Variants in SPAG9 observed in about 807,000 individuals in gnomAD.
The protein encoded by SPAG9 is sperm associated antigen 9, also known as C-Jun-amino-terminal kinase-interacting protein 4.
A neutral mutation model predicts 166.5 loss-of-function variants in SPAG9; 35 were observed. The observed-to-expected ratio is 0.21, with a 90% CI of 0.16 to 0.28. The LOEUF is 0.28. SPAG9 is among the 10% of genes least tolerant of loss of function. SPAG9 has a pLI of 1.00. For missense variants in SPAG9, 1,235 were observed against 1,603.3 expected (o/e 0.77, Z 3.92); for synonymous variants, 534 against 565.5 (o/e 0.94, Z 0.79).
chr17:50,993,664 A>C, intron 19 of SPAG9, 100 bp downstream of exon 19: 1 of 1,138,250 alleles, frequency 8.8e-7, no homozygotes, highest in Non-Finnish European at 1.3e-6. Flanking sequence ...CATAAGCTTC[A>C]TGACAGCAAG....
chr17:50,990,455 G>A lies in SPAG9; in HGVS notation c.2612C>T (p.Pro871Leu). The A allele has an allele frequency of 6.2e-7, 1 of 1,611,670 alleles. No individual in the cohort carries two copies. The highest frequency in any genetic ancestry group is 8.5e-7 in the Non-Finnish European group (1 of 1,177,778). Reference protein sequence around the residue: ...TNGASPVMDKPPEMEAENSEV... With the variant: ...TNGASPVMDKLPEMEAENSEV... The stretch of plus-strand genomic sequence containing the variant: ...GGTAAAGAGAATGGATATACCTGGT[G>A]GTTTATCCATCACTGGAGAAGCACC... The change falls in exon 20 of 30, where the codon CCA (proline) becomes CTA (leucine). Residue 871 changes from proline to leucine, a missense_variant. Around this residue, in one of 6 missense-constraint regions of SPAG9, gnomAD observed 493 missense variants for 559.4 expected, o/e 0.88. Coordinates refer to ENST00000262013, the MANE Select transcript of SPAG9 (RefSeq NM_001130528.3).
At chr17:51,021,429 T>C in intron 6 of SPAG9, 64 bp from the exon 7 acceptor site, 1 of 1,288,746 alleles carries the variant, frequency 7.8e-7, no homozygotes, top group African/African-American at 1.5e-5. Context: ...CCACATTAAA[T>C]GGGTTGAGAA....
Position 50,998,745 on chromosome 17 carries a change from AAC to A in SPAG9, c.1665-130_1665-129del, listed in dbSNP as rs2044791810. ...AGGCAATGAGTTAGAAATTGGCAAA[AAC>A]AGTTTTTGTAGTCATACGCTGTAGC... is the stretch of plus-strand genomic sequence containing the variant. On this transcript the variant is annotated intron_variant, in intron 14 of 29. Transcript: ENST00000262013. 19 of 858,512 alleles carry A rather than the reference AAC, an allele frequency of 2.2e-5. No individual in the cohort carries two copies. The South Asian group carries it at 3.4e-4, about 15-fold the overall frequency. The allele number at this position is 858,512 out of a possible 1,614,324, so 53.2% of individuals were successfully genotyped here.
At position 51,051,656 on chromosome 17, in the gene SPAG9, G is replaced by T. The variant is rs1210867552; in HGVS notation, c.496-4187C>A. Among the ~76,000 whole-genome samples the T allele has an allele frequency of 2.6e-5, 4 of 152,052 alleles. No individual in the cohort carries two copies. The East Asian group carries it at 7.7e-4, about 29-fold the overall frequency. On this transcript the variant is annotated intron_variant, in intron 3 of 29. Coordinates refer to ENST00000262013, the MANE Select transcript of SPAG9 (RefSeq NM_001130528.3). ...AATCACATGAACCCTGGAGGCGGAGGTTGCAGTGGGCCGAGATCACGCCAC... is the reference window on the plus strand; with the variant it reads ...AATCACATGAACCCTGGAGGCGGAGTTTGCAGTGGGCCGAGATCACGCCAC...
At chr17:51,041,354 C>T (rs990391796) in intron 5 of SPAG9, 147 bp downstream of exon 5, 1 of 602,006 alleles carries the variant, frequency 1.7e-6, no homozygotes, top group Non-Finnish European at 2.7e-6. Context: ...TTGGTAAGAG[C>T]TCATTTCCAA....
chr17:50,993,264 C>T (rs1002714250), intron 19 of SPAG9, among the ~76,000 whole-genome samples: 13 of 146,282 alleles, frequency 8.9e-5, no homozygotes, highest in Admixed American at 6.9e-4. Flanking sequence ...TGCAGTGAGC[C>T]GAGATCATGC....
At chr17:51,091,710 T>C (rs978862021) in intron 1 of SPAG9, among the ~76,000 whole-genome samples, 15 of 151,742 alleles carry the variant, frequency 9.9e-5, no homozygotes, top group African/African-American at 3.1e-4. Context: ...GCAGGTATAA[T>C]AACACATCTT....
chr17:51,073,794 T>C (rs2144606086), intron 2 of SPAG9, among the ~76,000 whole-genome samples: 1 of 152,230 alleles, frequency 6.6e-6, no homozygotes, highest in South Asian at 2.1e-4. Flanking sequence ...GGGAGTAAGT[T>C]CCAAAGCATT....
intron 2 of SPAG9, among the ~76,000 whole-genome samples, chr17:51,064,437 G>T (rs1483311742): frequency 6.6e-6 from 1 of 152,148 alleles, no homozygotes; most frequent in African/African-American, 2.4e-5. Context: ...TTAGAGTTTT[G>T]GTTGTTTCTA....
chr17:51,031,335 G>A, intron 6 of SPAG9: 1 of 295,352 alleles, frequency 3.4e-6, no homozygotes, highest in South Asian at 3.5e-5. Context: ...GCCACATTCA[G>A]GACAAATACA....
At chr17:51,091,352 C>T (rs980268338) in intron 1 of SPAG9, among the ~76,000 whole-genome samples, 3 of 151,644 alleles carry the variant, frequency 2.0e-5, no homozygotes, top group Admixed American at 2.0e-4. Context: ...GACTTAATTG[C>T]TTGCCAGTGG....
intron 2 of SPAG9, among the ~76,000 whole-genome samples, chr17:51,074,264 A>C (rs1219617994): frequency 2.0e-5 from 3 of 151,752 alleles, no homozygotes; most frequent in Non-Finnish European, 4.4e-5. Context: ...CAAAACAAAA[A>C]AAACACAAAA....
chr17:51,017,205 A>G (rs773066010), intron 8 of SPAG9, among the ~76,000 whole-genome samples: 16 of 152,208 alleles, frequency 1.1e-4, no homozygotes. Context: ...GTAAGTACAT[A>G]CCTAGAATCC....
chr17:51,013,234 C>T (rs956597628), intron 9 of SPAG9, among the ~76,000 whole-genome samples: 18 of 152,022 alleles, frequency 1.2e-4, no homozygotes, highest in African/African-American at 4.1e-4. Context: ...ATTTTTTTAG[C>T]TTAGTATCTC....
intron 2 of SPAG9, among the ~76,000 whole-genome samples, chr17:51,066,184 C>T (rs1393395968): frequency 6.6e-6 from 1 of 151,810 alleles, no homozygotes; most frequent in Non-Finnish European, 1.5e-5. Flanking sequence ...CAGCTCACTA[C>T]AGCCTTGACT....
chr17:51,106,960 A>G (rs1176842063), intron 1 of SPAG9, among the ~76,000 whole-genome samples: 5 of 151,008 alleles, frequency 3.3e-5, no homozygotes, highest in Admixed American at 6.6e-5. Flanking sequence ...AAATTAGCCA[A>G]GCATGGCGGT....
At chr17:51,020,643 C>T (rs959665327) in intron 7 of SPAG9, among the ~76,000 whole-genome samples, 15 of 152,178 alleles carry the variant, frequency 9.9e-5, no homozygotes, top group African/African-American at 3.1e-4. Flanking sequence ...CAACTCCTGG[C>T]CCCAATAGTT....
At chr17:51,088,473 G>C (rs931646409) in intron 1 of SPAG9, among the ~76,000 whole-genome samples, 1 of 152,106 alleles carries the variant, frequency 6.6e-6, no homozygotes, top group East Asian at 1.9e-4. Context: ...TGAAAGCAGA[G>C]AGGAAGAAGT....
intron 5 of SPAG9, among the ~76,000 whole-genome samples, chr17:51,036,234 T>A (rs2046579164): frequency 1.3e-5 from 2 of 152,114 alleles, no homozygotes; most frequent in Non-Finnish European, 2.9e-5. Flanking sequence ...TTTTCTCTCC[T>A]CCCACCACAA....
Sources: gnomAD v4.1 joint callset for allele counts (sites outside exome capture counted in the v4.1 genomes callset) on GRCh38, gnomAD v4.1.1 for gene constraint, gnomAD v4.1.1 regional missense constraint, MANE v1.5 for transcripts, NCBI Gene and HGNC (gene_info 2026-07-23, HGNC 2026-07-21) for gene names.